UBR3: variants seen among roughly 807,000 people sequenced by gnomAD.
UBR3 encodes the protein E3 ubiquitin-protein ligase UBR3.
A neutral mutation model predicts 243.2 loss-of-function variants in UBR3; 85 were observed. That is an observed-to-expected ratio of 0.35 (90% CI 0.29 to 0.42). UBR3 has a LOEUF of 0.42. UBR3 is among the 10% of genes least tolerant of loss of function. UBR3 has a pLI of 1.00. For synonymous variants in UBR3, 748 were observed against 799.8 expected (o/e 0.94, Z 1.09); for missense variants, 1,686 against 2,300.8 (o/e 0.73, Z 5.47).
intron 25 of UBR3, among the ~76,000 whole-genome samples, chr2:169,988,192 A>G (rs1252878278): frequency 1.3e-5 from 2 of 152,220 alleles, no homozygotes; most frequent in East Asian, 1.9e-4. Context: ...TTGACTTTCA[A>G]CTTCGTGATT....
At chr2:170,055,381 A>T in intron 32 of UBR3, 79 bp from the exon 33 acceptor site, 2 of 1,498,052 alleles carry the variant, frequency 1.3e-6, no homozygotes, top group Non-Finnish European at 1.8e-6. Flanking sequence ...ATATGCAAGG[A>T]AAGGCATATA....
intron 23 of UBR3, among the ~76,000 whole-genome samples, chr2:169,953,352 A>G (rs2087125475): frequency 6.6e-6 from 1 of 152,202 alleles, no homozygotes; most frequent in South Asian, 2.1e-4. Flanking sequence ...AACAGTTCAT[A>G]AACACTTAAT....
chr2:170,056,038 C>CT, intron 33 of UBR3, among the ~76,000 whole-genome samples: 1 of 60,636 alleles, frequency 1.6e-5, no homozygotes, highest in Non-Finnish European at 2.9e-5. Flanking sequence ...GGCAGACTCT[C>CT]TGTCTGTCAC....
chr2:169,871,040 T>C (rs1376979555), intron 1 of UBR3, among the ~76,000 whole-genome samples: 1 of 152,038 alleles, frequency 6.6e-6, no homozygotes, highest in East Asian at 1.9e-4. Context: ...TTTTATATTT[T>C]ACAGCTTAAA....
intron 26 of UBR3, among the ~76,000 whole-genome samples, chr2:169,995,634 A>G (rs1283796256): frequency 1.3e-5 from 2 of 152,232 alleles, no homozygotes; most frequent in African/African-American, 4.8e-5. Flanking sequence ...GGAATGTTGT[A>G]TGAAGATTTT....
chr2:169,880,976 A>T (rs1017004066), intron 5 of UBR3, among the ~76,000 whole-genome samples: 1 of 152,026 alleles, frequency 6.6e-6, no homozygotes, highest in Non-Finnish European at 1.5e-5. Flanking sequence ...GTTTTATGTA[A>T]CCATTTGTTC....
chr2:170,047,992 G>A (rs781375799), intron 32 of UBR3, among the ~76,000 whole-genome samples: 5 of 152,140 alleles, frequency 3.3e-5, no homozygotes, highest in African/African-American at 7.2e-5. Context: ...TGATGGTGGC[G>A]AGAAATAAAA....
chr2:169,999,002 G>A (rs2089597483), intron 26 of UBR3, among the ~76,000 whole-genome samples: 1 of 152,204 alleles, frequency 6.6e-6, no homozygotes, highest in South Asian at 2.1e-4. Flanking sequence ...GTGGATACTT[G>A]AGGTCTCCCT....
rs976862448 is a variant in UBR3 at position 169,992,639 on chromosome 2, C to T, written c.3785-1684C>T. Among the ~76,000 whole-genome samples, 4 of 152,122 alleles carry T rather than the reference C, an allele frequency of 2.6e-5. No homozygotes were observed. The East Asian group carries it at 5.8e-4, about 22-fold the overall frequency. Reference sequence around the variant, plus strand: ...ATAAATCCTTGCAAAACTTAAGGCCCGCAGTGATAAACCTATTATTCCCTT... The same window carrying T: ...ATAAATCCTTGCAAAACTTAAGGCCTGCAGTGATAAACCTATTATTCCCTT... On this transcript the variant is annotated intron_variant, in intron 25 of 38. Coordinates refer to ENST00000272793, the MANE Select transcript of UBR3 (RefSeq NM_172070.4).
At chr2:169,836,869 C>A (rs993515775) in intron 1 of UBR3, among the ~76,000 whole-genome samples, 12 of 152,246 alleles carry the variant, frequency 7.9e-5, no homozygotes, top group Middle Eastern at 3.4e-3. Context: ...GCTGTACATA[C>A]TCTAGATGCT....
chr2:170,058,458 CTTTT>C (rs1455392051), intron 33 of UBR3, among the ~76,000 whole-genome samples: 2 of 150,994 alleles, frequency 1.3e-5, no homozygotes, highest in South Asian at 2.1e-4. Flanking sequence ...AATTTCTTTT[CTTTT>C]TTCTTTTTCT....
At chr2:169,925,768 A>C in intron 14 of UBR3, 21 bp downstream of exon 14, 1 of 1,535,594 alleles carries the variant, frequency 6.5e-7, no homozygotes, top group Non-Finnish European at 8.8e-7. Flanking sequence ...TAGATAATGC[A>C]GATATACTTT....
intron 24 of UBR3, among the ~76,000 whole-genome samples, chr2:169,960,013 G>A (rs2087490858): frequency 6.6e-6 from 1 of 152,064 alleles, no homozygotes; most frequent in Admixed American, 6.5e-5. Flanking sequence ...CACTTTGGGA[G>A]GCCGAGGTGG....
In UBR3 at chr2:170,055,444, T is replaced by A. The variant is rs1466106759; in HGVS notation, c.4661-16T>A. 1.2e-6 allele frequency: 2 copies of A among 1,606,578 alleles called. No individual in the cohort carries two copies. Among genetic ancestry groups the A allele is most frequent in the Admixed American group, 1.7e-5 (1 of 58,360 alleles). ...ATCTAGATTCCAAAGAAATAATGAT[T>A]TTTTTTCTCTTGCAGACCACTTTAC... On this transcript the variant is annotated splice_polypyrimidine_tract_variant and intron_variant, in intron 32 of 38. Coordinates refer to ENST00000272793, the MANE Select transcript of UBR3 (RefSeq NM_172070.4).
chr2:169,888,587 TTTTA>T (rs1158454938), intron 5 of UBR3, among the ~76,000 whole-genome samples: 1 of 152,182 alleles, frequency 6.6e-6, no homozygotes, highest in Non-Finnish European at 1.5e-5. Context: ...TACTAACAGA[TTTTA>T]TTTGTGAATG....
chr2:170,009,725 G>GT (rs1380428106), intron 29 of UBR3, among the ~76,000 whole-genome samples: 1 of 152,050 alleles, frequency 6.6e-6, no homozygotes, highest in African/African-American at 2.4e-5. Flanking sequence ...ATTGTAATAG[G>GT]TAAGATTTAG....
intron 1 of UBR3, among the ~76,000 whole-genome samples, chr2:169,862,876 A>G (rs2083138162): frequency 6.6e-6 from 1 of 152,120 alleles, no homozygotes; most frequent in East Asian, 1.9e-4. Flanking sequence ...GGCTTTTAAC[A>G]TGGGGCGGGG....
chr2:169,831,128 T>TATATATATATATATATATATATA (rs1491457428), intron 1 of UBR3, among the ~76,000 whole-genome samples: 23 of 36,398 alleles, frequency 6.3e-4, no homozygotes, highest in East Asian at 3.0e-3. Flanking sequence ...TATATATATA[T>TATATATATATATATATATATATA]TTTTTTTTTT....
At chr2:169,914,579 A>G (rs146429219) in intron 11 of UBR3, among the ~76,000 whole-genome samples, 11 of 152,346 alleles carry the variant, frequency 7.2e-5, no homozygotes, top group Admixed American at 1.3e-4. Flanking sequence ...GGACTTGAAC[A>G]AAGGTGATTA....
Sources: allele counts gnomAD v4.1 joint callset (sites outside exome capture counted in the v4.1 genomes callset), GRCh38; gene constraint gnomAD v4.1.1; transcripts MANE v1.5; gene names NCBI Gene and HGNC (gene_info 2026-07-23, HGNC 2026-07-21).